The following APOL6 variants were observed in gnomAD, a reference collection of about 807,000 sequenced individuals.
APOL6 encodes the protein apolipoprotein L6.
Under a neutral mutation model 2.4 loss-of-function variants are expected in APOL6, and 1 was observed. The observed-to-expected ratio is 0.41, with a 90% CI of 0.15 to 1.94. The LOEUF is 1.94. APOL6 is among the 30% of genes most tolerant of loss of function. The pLI, the probability that APOL6 is intolerant of heterozygous loss-of-function variation, is 0.30. For synonymous variants in APOL6, 189 were observed against 169.3 expected (o/e 1.12, Z -0.90); for missense variants, 438 against 429.2 (o/e 1.02, Z -0.18).
In APOL6 at chr22:35,650,930, CAAA is replaced by C. The variant is rs202235953; in HGVS notation, c.-48+2320_-48+2322del. ...GGGCAACAAGAGCAAAATTCAGTCT[CAAA>C]AAAAAAAAAAAATTTTTTTAAAAAT... On this transcript the variant is annotated intron_variant, in intron 1 of 2. Coordinates refer to ENST00000409652, the MANE Select transcript of APOL6 (RefSeq NM_030641.4). 1.1e-3 allele frequency among the ~76,000 whole-genome samples: 151 copies of C among 136,298 alleles called. 1 individual carries two copies. Among genetic ancestry groups the C allele is most frequent in the Middle Eastern group, 3.6e-3 (1 of 274 alleles). 89.4% of individuals were successfully genotyped at this position (136,298 alleles called of 152,430 possible).
In APOL6 at chr22:35,666,885, G is replaced by A. The variant is rs1925199413; in HGVS notation, c.*7289G>A. 1 of 152,174 alleles carries A rather than the reference G, an allele frequency of 6.6e-6. No individual in the cohort carries two copies. Among genetic ancestry groups the A allele is most frequent in the Admixed American group, 6.5e-5 (1 of 15,282 alleles). The allele number at this position is 152,174 out of a possible 1,614,324, so 9.4% of individuals were successfully genotyped here. On this transcript the variant is annotated 3_prime_UTR_variant, in exon 3 of 3. Coordinates refer to ENST00000409652, the MANE Select transcript of APOL6 (RefSeq NM_030641.4). ...TTAGTATACTCCTATGACAAAATTT[G>A]GAGCATATTTGTTTCTCTCTACCTG...
chr22:35,649,584 C>T (rs1443469566), intron 1 of APOL6, among the ~76,000 whole-genome samples: 1 of 151,930 alleles, frequency 6.6e-6, no homozygotes, highest in Admixed American at 6.6e-5. Context: ...ATCCTGTAAG[C>T]TTTCAAATGA....
chr22:35,667,854 A>T lies in APOL6; in HGVS notation c.*8258A>T, dbSNP rs1052801590. ...TATGAGTTCAACTTTAGAGGGAGCC[A>T]TGGGGACTAAACAAAATTCTGAGGC... On this transcript the variant is annotated 3_prime_UTR_variant, in exon 3 of 3. Coordinates refer to ENST00000409652, the MANE Select transcript of APOL6 (RefSeq NM_030641.4). The T allele has an allele frequency of 6.6e-6, 1 of 152,214 alleles. No individual in the cohort carries two copies. The highest frequency in any genetic ancestry group is 2.4e-5 in the African/African-American group (1 of 41,454). 9.4% of individuals were successfully genotyped at this position (152,214 alleles called of 1,614,324 possible).
In APOL6 at chr22:35,659,730, A is replaced by G. The variant is rs116621060; in HGVS notation, c.*134A>G. 3.1e-3 allele frequency: 4,146 copies of G among 1,317,022 alleles called. 16 individuals carry two copies. Among genetic ancestry groups the G allele is most frequent in the African/African-American group, 0.02 (1,319 of 67,416 alleles). The allele number at this position is 1,317,022 out of a possible 1,614,324, so 81.6% of individuals were successfully genotyped here. A position where few individuals can be genotyped will look rare whatever the true frequency, so the allele number is the denominator to read the frequency against. On this transcript the variant is annotated 3_prime_UTR_variant, in exon 3 of 3. Transcript: ENST00000409652. ...TCTCCTTCAATGCTCCTTAAGGCCT[A>G]TGTGCTGGGAAAAGGGTCTTCCCTG...
At chr22:35,649,628 C>A (rs1290019119) in intron 1 of APOL6, among the ~76,000 whole-genome samples, 1 of 151,970 alleles carries the variant, frequency 6.6e-6, no homozygotes, top group Non-Finnish European at 1.5e-5. Context: ...CAATAAACCT[C>A]TCACAAGCAA....
chr22:35,660,784 ACT>A lies in APOL6; in HGVS notation c.*1191_*1192del, dbSNP rs1454587972. The A allele has an allele frequency of 6.6e-6, 1 of 152,242 alleles. No individual in the cohort carries two copies. The highest frequency in any genetic ancestry group is 2.4e-5 in the African/African-American group (1 of 41,450). The allele number at this position is 152,242 out of a possible 1,614,324, so 9.4% of individuals were successfully genotyped here. On this transcript the variant is annotated 3_prime_UTR_variant, in exon 3 of 3. Coordinates refer to ENST00000409652, the MANE Select transcript of APOL6 (RefSeq NM_030641.4). ...CTGGGCCTCTTTTATAAAGGCACTAACTCTATGCCTAAAGGCAGGGCCCTCAT... is the reference window on the plus strand; with the variant it reads ...CTGGGCCTCTTTTATAAAGGCACTAACTATGCCTAAAGGCAGGGCCCTCAT...
intron 2 of APOL6, 140 bp downstream of exon 2, chr22:35,656,615 A>G (rs1924852313): frequency 4.2e-6 from 4 of 963,352 alleles, no homozygotes; most frequent in South Asian, 1.5e-5. Flanking sequence ...TCCATTATGC[A>G]TATGAAAATC....
chr22:35,659,607 G>A lies in APOL6; in HGVS notation c.*11G>A. 1 of 1,585,530 alleles carries A rather than the reference G, an allele frequency of 6.3e-7. No homozygotes were observed. The highest frequency in any genetic ancestry group is 8.6e-7 in the Non-Finnish European group (1 of 1,164,210). On this transcript the variant is annotated 3_prime_UTR_variant, in exon 3 of 3. Transcript: ENST00000409652. Reference sequence around the variant, plus strand: ...GTACAGTTTACATGAATGTTCCTCAGGACATGGCATACAATGGCCTTGGAG... The same window carrying A: ...GTACAGTTTACATGAATGTTCCTCAAGACATGGCATACAATGGCCTTGGAG...
At chr22:35,652,277 C>CG (rs1924718300) in intron 1 of APOL6, among the ~76,000 whole-genome samples, 1 of 308 alleles carries the variant, frequency 3.2e-3, no homozygotes, top group Non-Finnish European at 8.5e-3. Flanking sequence ...TGTTTGAGTT[C>CG]ATGTAGATTC....
chr22:35,659,848 C>G lies in APOL6; in HGVS notation c.*252C>G. The G allele has an allele frequency of 2.0e-6, 1 of 506,014 alleles. No individual in the cohort carries two copies. The highest frequency in any genetic ancestry group is 1.9e-5 in the African/African-American group (1 of 52,486). 31.3% of individuals were successfully genotyped at this position (506,014 alleles called of 1,614,324 possible). A position where few individuals can be genotyped will look rare whatever the true frequency, so the allele number is the denominator to read the frequency against. On this transcript the variant is annotated 3_prime_UTR_variant, in exon 3 of 3. Transcript: ENST00000409652. ...TGGCGTAATCTCGGCTCACTGCAAC[C>G]TCTGCCTCCTGAGTGCAAGCAAGTC...
chr22:35,655,384 C>T (rs71314952), intron 1 of APOL6, among the ~76,000 whole-genome samples: 1 of 152,142 alleles, frequency 6.6e-6, no homozygotes, highest in East Asian at 1.9e-4. Context: ...ACTTCCTCCT[C>T]CCAGTCAATA....
In APOL6 at chr22:35,659,053, T is replaced by C. The variant is rs570906528; in HGVS notation, c.489T>C (p.Tyr163=). Residue 163 remains tyrosine (Y), a synonymous_variant, in exon 3 of 3, where the codon TAT becomes TAC. Transcript: ENST00000409652. ...DREDEEEKAD[Y]VTAAGKIIYN... The stretch of plus-strand genomic sequence containing the variant: ...AGGATGAGGAAGAGAAGGCAGACTA[T>C]GTCACAGCTGCTGGAAAGATTATCT... 1.9e-6 allele frequency: 3 copies of C among 1,613,920 alleles called. No homozygotes were observed. The highest frequency in any genetic ancestry group is 1.7e-5 in the Admixed American group (1 of 60,028).
At chr22:35,654,368 G>A (rs1569133846) in intron 1 of APOL6, among the ~76,000 whole-genome samples, 1 of 152,066 alleles carries the variant, frequency 6.6e-6, no homozygotes, top group Non-Finnish European at 1.5e-5. Context: ...CATCCTTGGA[G>A]GCTTTCTAAA....
rs1356056155 is a variant in APOL6 at position 35,659,152 on chromosome 22, C to G, written c.588C>G (p.Arg196=). The change falls in exon 3 of 3, where the codon CGC becomes CGG. Residue 196 remains arginine, a synonymous_variant. Transcript: ENST00000409652. ...RAFWKLRANP[R]LANATKRLLT... ...TTTGGAAACTCAGAGCCAACCCACGCTTGGCCAATGCTACCAAGCGTCTTC... is the reference window on the plus strand; with the variant it reads ...TTTGGAAACTCAGAGCCAACCCACGGTTGGCCAATGCTACCAAGCGTCTTC... The G allele has an allele frequency of 1.2e-6, 2 of 1,614,106 alleles. No homozygotes were observed. The highest frequency in any genetic ancestry group is 2.7e-5 in the African/African-American group (2 of 74,940).
At chr22:35,650,796 A>G (rs973825406) in intron 1 of APOL6, among the ~76,000 whole-genome samples, 2 of 151,996 alleles carry the variant, frequency 1.3e-5, no homozygotes, top group East Asian at 1.9e-4. Flanking sequence ...CGGGTGTGTT[A>G]GTACGTGCCT....
intron 1 of APOL6, 57 bp downstream of exon 1, chr22:35,648,680 G>A (rs1377760148): frequency 6.6e-6 from 1 of 152,272 alleles, no homozygotes; most frequent in African/African-American, 2.4e-5. Context: ...GTCCCTGAAG[G>A]ACAGAGCCCC....
intron 1 of APOL6, among the ~76,000 whole-genome samples, chr22:35,653,320 A>G (rs1177717582): frequency 1.3e-5 from 2 of 152,170 alleles, no homozygotes; most frequent in East Asian, 1.9e-4. Context: ...GGTTTTCTAG[A>G]TATACAATCA....
intron 2 of APOL6, among the ~76,000 whole-genome samples, chr22:35,656,950 A>G (rs1179957897): frequency 2.6e-5 from 4 of 152,240 alleles, no homozygotes; most frequent in Non-Finnish European, 5.9e-5. Context: ...GACGAACTCT[A>G]TGTGTAATAT....
At position 35,667,124 on chromosome 22, in the gene APOL6, C is replaced by G. The variant is rs1409603696; in HGVS notation, c.*7528C>G. On this transcript the variant is annotated 3_prime_UTR_variant, in exon 3 of 3. Coordinates refer to ENST00000409652, the MANE Select transcript of APOL6 (RefSeq NM_030641.4). ...AATAAAGTCCTTGGAAAAACTGGCC[C>G]CATATTTTGTGTACACAGTCTCCGT... 6.6e-6 allele frequency: 1 copy of G among 152,112 alleles called. No individual in the cohort carries two copies. The highest frequency in any genetic ancestry group is 1.9e-4 in the East Asian group (1 of 5,188). 9.4% of individuals were successfully genotyped at this position (152,112 alleles called of 1,614,324 possible).
Sources: gnomAD v4.1 joint callset for allele counts (sites outside exome capture counted in the v4.1 genomes callset) on GRCh38, gnomAD v4.1.1 for gene constraint, MANE v1.5 for transcripts, NCBI Gene and HGNC (gene_info 2026-07-23, HGNC 2026-07-21) for gene names.